The following MKLN1 variants were observed in gnomAD, a reference collection of about 807,000 sequenced individuals.
MKLN1 encodes the protein muskelin 1.
MKLN1 carries 18 observed loss-of-function variants against 99.0 expected under a neutral mutation model. That is an observed-to-expected ratio of 0.18 (90% CI 0.13 to 0.27). The LOEUF (loss-of-function observed/expected upper bound fraction) is 0.27. Ranked by LOEUF, MKLN1 falls within the 10% of genes least tolerant of loss-of-function variation. MKLN1 has a pLI of 1.00. For missense variants in MKLN1, 621 were observed against 875.9 expected (o/e 0.71, Z 3.67); for synonymous variants, 288 against 293.2 (o/e 0.98, Z 0.18).
intron 9 of MKLN1, among the ~76,000 whole-genome samples, chr7:131,435,575 A>G (rs577427774): frequency 5.3e-5 from 8 of 152,212 alleles, no homozygotes; most frequent in Non-Finnish European, 8.8e-5. Context: ...TCAGTTTTTC[A>G]GTATGTGTAA....
Position 131,464,909 on chromosome 7 carries a change from CTTTA to C in MKLN1, c.1788+505_1788+508del, listed in dbSNP as rs567947318. On this transcript the variant is annotated intron_variant, in intron 14 of 17. Transcript: ENST00000352689. Reference sequence around the variant, plus strand: ...AGTGTCATAGTGTTGAGAGTTCTTTCTTTATTTCTGTCTTAAACTTAACCATGTA... The same window carrying C: ...AGTGTCATAGTGTTGAGAGTTCTTTCTTTCTGTCTTAAACTTAACCATGTA... 3.1e-3 allele frequency among the ~76,000 whole-genome samples: 471 copies of C among 152,192 alleles called. 1 individual carries two copies. The highest frequency in any genetic ancestry group is 0.011 in the African/African-American group (449 of 41,516).
At chr7:131,313,962 A>G (rs1478323362) in intron 3 of MKLN1, among the ~76,000 whole-genome samples, 2 of 152,242 alleles carry the variant, frequency 1.3e-5, no homozygotes, top group Non-Finnish European at 2.9e-5. Context: ...GGACTGGGCT[A>G]TGCAACACTT....
chr7:131,386,428 TATTATCCA>T (rs1455998292), intron 2 of MKLN1, among the ~76,000 whole-genome samples: 4 of 152,186 alleles, frequency 2.6e-5, no homozygotes, highest in African/African-American at 9.7e-5. Context: ...TTATCACCTA[TATTATCCA>T]ATATCGTGAA....
Position 131,492,225 on chromosome 7 carries a change from G to GTA in MKLN1, c.*4499_*4500dup, listed in dbSNP as rs1797442751. ...TTACCTTTTGTCTTTTCTTTTTATT[G>GTA]TATTTTTTAACCTTTTTGTTTCTAT... On this transcript the variant is annotated 3_prime_UTR_variant, in exon 18 of 18. Transcript: ENST00000352689. The GTA allele has an allele frequency of 6.6e-6, 1 of 151,934 alleles. No homozygotes were observed. Among genetic ancestry groups the GTA allele is most frequent in the Admixed American group, 6.6e-5 (1 of 15,246 alleles). The allele number at this position is 151,934 out of a possible 1,614,324, so 9.4% of individuals were successfully genotyped here. A position where few individuals can be genotyped will look rare whatever the true frequency, so the allele number is the denominator to read the frequency against.
chr7:131,422,947 T>C (rs1470476038), intron 8 of MKLN1, among the ~76,000 whole-genome samples: 1 of 152,212 alleles, frequency 6.6e-6, no homozygotes, highest in African/African-American at 2.4e-5. Context: ...GTAATCCCTA[T>C]ACCTGGCACC....
intron 3 of MKLN1, among the ~76,000 whole-genome samples, chr7:131,303,876 G>A (rs1162397440): frequency 6.6e-6 from 1 of 152,160 alleles, no homozygotes; most frequent in Admixed American, 6.5e-5. Context: ...CTGGCCAACA[G>A]CCCCATGCCT....
chr7:131,358,993 A>G (rs1172320500), intron 1 of MKLN1, among the ~76,000 whole-genome samples: 5 of 151,546 alleles, frequency 3.3e-5, no homozygotes, highest in Admixed American at 2.6e-4. Context: ...TATTCTACGC[A>G]TTTCCTGTTT....
At chr7:131,445,284 C>T (rs1006273646) in intron 11 of MKLN1, among the ~76,000 whole-genome samples, 1 of 151,816 alleles carries the variant, frequency 6.6e-6, no homozygotes, top group East Asian at 1.9e-4. Context: ...GTTCTAAAGT[C>T]AAAACCATAC....
At chr7:131,465,004 A>G (rs1395258587) in intron 14 of MKLN1, among the ~76,000 whole-genome samples, 2 of 152,166 alleles carry the variant, frequency 1.3e-5, no homozygotes, top group Admixed American at 6.5e-5. Context: ...CTGTTAAGCC[A>G]TGGATGATTT....
At chr7:131,128,896 A>ATTT (rs59954758) in intron 1 of MKLN1, among the ~76,000 whole-genome samples, 20 of 120,190 alleles carry the variant, frequency 1.7e-4, no homozygotes, top group East Asian at 5.3e-4. Flanking sequence ...CACCTCACCT[A>ATTT]TTTTTTTTTT....
intron 2 of MKLN1, among the ~76,000 whole-genome samples, chr7:131,200,239 G>A (rs1796707709): frequency 6.6e-6 from 1 of 152,168 alleles, no homozygotes; most frequent in South Asian, 2.1e-4. Context: ...TTCTCTTACT[G>A]AGGTGAAGTC....
intron 13 of MKLN1, among the ~76,000 whole-genome samples, chr7:131,463,700 G>T (rs1410041455): frequency 6.6e-6 from 1 of 152,174 alleles, no homozygotes; most frequent in East Asian, 1.9e-4. Flanking sequence ...AAAACGAAGA[G>T]GCTTGACTAT....
chr7:131,234,084 A>C (rs2116480321), intron 3 of MKLN1, among the ~76,000 whole-genome samples: 1 of 152,170 alleles, frequency 6.6e-6, no homozygotes, highest in Non-Finnish European at 1.5e-5. Context: ...GGTTCAAGCG[A>C]TTCTCCTGCC....
chr7:131,478,640 A>G lies in MKLN1; in HGVS notation c.2049A>G (p.Ser683=). The change falls in exon 17 of 18, where the codon TCA becomes TCG. Residue 683 remains serine (S), a synonymous_variant. Transcript: ENST00000352689. ...TTAAACAGTTTCAGCTCCTGGCATC[A>G]GCTCTATTCAAATCTGGTTCAGATT... ...EETKEFQLLA[S]ALFKSGSDFT... is the part of the protein sequence containing the mutation. 1 of 1,488,282 alleles carries G rather than the reference A, an allele frequency of 6.7e-7. No individual in the cohort carries two copies. Among genetic ancestry groups the G allele is most frequent in the Middle Eastern group, 1.8e-4 (1 of 5,558 alleles). The allele number at this position is 1,488,282 out of a possible 1,614,324, so 92.2% of individuals were successfully genotyped here.
intron 3 of MKLN1, among the ~76,000 whole-genome samples, chr7:131,259,040 G>C (rs1181087642): frequency 6.6e-6 from 1 of 152,104 alleles, no homozygotes. Flanking sequence ...ATGATTCGCT[G>C]TACAGACTGC....
chr7:131,424,270 T>C (rs1795291655), intron 8 of MKLN1, among the ~76,000 whole-genome samples: 1 of 152,196 alleles, frequency 6.6e-6, no homozygotes, highest in East Asian at 1.9e-4. Context: ...AGGTAACTTC[T>C]TTCACCAGCC....
At chr7:131,393,355 A>G (rs775932343) in intron 4 of MKLN1, among the ~76,000 whole-genome samples, 3 of 152,342 alleles carry the variant, frequency 2.0e-5, no homozygotes, top group South Asian at 4.1e-4. Flanking sequence ...AATGCTACCA[A>G]AAATCACTGG....
At chr7:131,128,773 A>T (rs112110405) in intron 1 of MKLN1, among the ~76,000 whole-genome samples, 12 of 98,732 alleles carry the variant, frequency 1.2e-4, no homozygotes, top group East Asian at 1.4e-3. Flanking sequence ...TCTGGATAAT[A>T]TTTTTTTTTA....
At position 131,409,927 on chromosome 7, in the gene MKLN1, A is replaced by G. The variant is rs1364445543; in HGVS notation, c.704-1379A>G. Among the ~76,000 whole-genome samples, 5 of 152,136 alleles carry G rather than the reference A, an allele frequency of 3.3e-5. No individual in the cohort carries two copies. The East Asian group carries it at 9.6e-4, about 29-fold the overall frequency. ...CTTGTACTTCGACAAATTTGCTTTA[A>G]TATTTGTATACATTACATGCAGATA... On this transcript the variant is annotated intron_variant, in intron 6 of 17. Transcript: ENST00000352689.
Sources: gnomAD v4.1 joint callset for allele counts (sites outside exome capture counted in the v4.1 genomes callset) on GRCh38, gnomAD v4.1.1 for gene constraint, MANE v1.5 for transcripts, NCBI Gene and HGNC (gene_info 2026-07-23, HGNC 2026-07-21) for gene names.